Variants in KDM4C observed in about 807,000 individuals in gnomAD.
The protein encoded by KDM4C is lysine-specific demethylase 4C.
In KDM4C, 81 loss-of-function variants were observed where a neutral mutation model predicts 129.3. That is an observed-to-expected ratio of 0.63 (90% confidence interval 0.52 to 0.75). The LOEUF (loss-of-function observed/expected upper bound fraction) is 0.75. KDM4C is among the 30% of genes least tolerant of loss of function. KDM4C has a pLI of 0.00. For synonymous variants in KDM4C, 573 were observed against 456.1 expected, an observed-to-expected ratio of 1.26 and a Z score of -3.26; for missense variants, 1,457 against 1,304.0, an observed-to-expected ratio of 1.12 and a Z score of -1.81.
chr9:7,033,129 C>G (rs1046197653), intron 15 of KDM4C, among the ~76,000 whole-genome samples: 10 of 145,576 alleles, frequency 6.9e-5, no homozygotes, highest in Non-Finnish European at 1.0e-4. Context: ...TCCCTCTGAT[C>G]TGTTTTATGC....
At chr9:6,995,186 A>G (rs1264132002) in intron 12 of KDM4C, among the ~76,000 whole-genome samples, 1 of 150,564 alleles carries the variant, frequency 6.6e-6, no homozygotes, top group Non-Finnish European at 1.5e-5. Flanking sequence ...TTGTGTGAGG[A>G]AGAAAAGAAG....
chr9:7,157,863 G>T (rs1474397386), intron 19 of KDM4C, among the ~76,000 whole-genome samples: 1 of 152,142 alleles, frequency 6.6e-6, no homozygotes, highest in Non-Finnish European at 1.5e-5. Flanking sequence ...GATGATGCTG[G>T]CCTCATAAAA....
chr9:6,735,132 G>A, intron 1 of KDM4C: 1 of 280,430 alleles, frequency 3.6e-6, no homozygotes, highest in Non-Finnish European at 7.0e-6. Context: ...TAGGCAAAGA[G>A]GCTACACCTG....
chr9:6,875,221 G>T (rs911613186), intron 5 of KDM4C, among the ~76,000 whole-genome samples: 1 of 152,142 alleles, frequency 6.6e-6, no homozygotes, highest in African/African-American at 2.4e-5. Flanking sequence ...CAGAATATCT[G>T]TTCTTCTGGT....
At chr9:7,058,399 A>G (rs578090018) in intron 17 of KDM4C, among the ~76,000 whole-genome samples, 4 of 152,278 alleles carry the variant, frequency 2.6e-5, no homozygotes, top group South Asian at 4.1e-4. Context: ...AAAGCCCCTC[A>G]TTTGTTGTGT....
intron 17 of KDM4C, among the ~76,000 whole-genome samples, chr9:7,073,349 G>A (rs761255119): frequency 6.6e-6 from 1 of 152,204 alleles, no homozygotes; most frequent in African/African-American, 2.4e-5. Context: ...TTGGCACTGA[G>A]TAAGTTTCAG....
chr9:6,781,296 C>T (rs991434775), intron 1 of KDM4C, among the ~76,000 whole-genome samples: 67 of 152,058 alleles, frequency 4.4e-4, no homozygotes, highest in African/African-American at 1.6e-3. Flanking sequence ...TGAAATGTTG[C>T]TCCTAGTGGA....
chr9:6,739,759 G>A (rs1332850307), intron 1 of KDM4C, among the ~76,000 whole-genome samples: 1 of 151,984 alleles, frequency 6.6e-6, no homozygotes, highest in Admixed American at 6.6e-5. Context: ...CACTTTGGGA[G>A]ACCAAGGAGG....
intron 13 of KDM4C, among the ~76,000 whole-genome samples, chr9:7,012,333 T>A (rs1389803810): frequency 6.6e-6 from 1 of 152,322 alleles, no homozygotes; most frequent in East Asian, 1.9e-4. Context: ...TCCGCTTTGG[T>A]CTCCCAAATC....
intron 8 of KDM4C, among the ~76,000 whole-genome samples, chr9:6,946,876 T>C (rs567036618): frequency 6.6e-6 from 1 of 152,226 alleles, no homozygotes; most frequent in South Asian, 2.1e-4. Flanking sequence ...GTTTTTGCCT[T>C]TTTATTATTT....
chr9:6,848,567 G>C (rs1838274500), intron 4 of KDM4C, among the ~76,000 whole-genome samples: 1 of 152,112 alleles, frequency 6.6e-6, no homozygotes, highest in African/African-American at 2.4e-5. Flanking sequence ...TGTGTGGAAG[G>C]CTGAGGCATA....
At chr9:7,121,687 C>T (rs541902064) in intron 18 of KDM4C, among the ~76,000 whole-genome samples, 2 of 152,246 alleles carry the variant, frequency 1.3e-5, no homozygotes, top group South Asian at 2.1e-4. Flanking sequence ...ACCAGACATG[C>T]TCCAAATCCA....
At chr9:6,747,886 A>C (rs1165949680) in intron 1 of KDM4C, among the ~76,000 whole-genome samples, 1 of 151,968 alleles carries the variant, frequency 6.6e-6, no homozygotes, top group Non-Finnish European at 1.5e-5. Context: ...TCTTTCTAGG[A>C]AAGAACAGAG....
chr9:6,747,167 C>T lies in KDM4C; in HGVS notation c.49+26170C>T, dbSNP rs562336082. The stretch of plus-strand genomic sequence containing the variant: ...AAGATCACTCCACTGCACTTCAGCC[C>T]GGGTGATAGAGCAAGACTCTGTCTC... On this transcript the variant is annotated intron_variant, in intron 1 of 17. Coordinates refer to the KDM4C transcript ENST00000536108. Among the ~76,000 whole-genome samples, 179 of 151,392 alleles carry T rather than the reference C, an allele frequency of 1.2e-3. 2 individuals are homozygous for T. Among genetic ancestry groups the T allele is most frequent in the African/African-American group, 4.0e-3 (163 of 41,200 alleles).
intron 8 of KDM4C, among the ~76,000 whole-genome samples, chr9:6,903,164 T>C (rs893963355): frequency 6.6e-6 from 1 of 152,204 alleles, no homozygotes; most frequent in Non-Finnish European, 1.5e-5. Context: ...TAAGGCCTGA[T>C]AATCATTTTC....
chr9:6,942,421 AT>A (rs66825967), intron 8 of KDM4C: 59,561 of 137,522 alleles, frequency 0.43, 12,514 homozygotes, highest in East Asian at 0.72. Context: ...TATTTTTTCT[AT>A]TTTTTTTTTT....
chr9:7,137,147 C>T (rs112731466), intron 19 of KDM4C, among the ~76,000 whole-genome samples: 10 of 152,242 alleles, frequency 6.6e-5, no homozygotes, highest in African/African-American at 1.9e-4. Context: ...AGAAGTCTGT[C>T]GTGAGAGAGG....
intron 12 of KDM4C, among the ~76,000 whole-genome samples, chr9:7,005,435 CAAAA>C (rs35671520): frequency 8.1e-6 from 1 of 124,078 alleles, no homozygotes; most frequent in Non-Finnish European, 1.6e-5. Flanking sequence ...AACTCTGTCT[CAAAA>C]AAAAAAAAAA....
At chr9:7,061,734 G>A (rs1831701330) in intron 17 of KDM4C, among the ~76,000 whole-genome samples, 1 of 152,214 alleles carries the variant, frequency 6.6e-6, no homozygotes, top group Non-Finnish European at 1.5e-5. Context: ...GCAATGGCTA[G>A]TGTTCCAGAG....
Sources: allele counts gnomAD v4.1 joint callset (sites outside exome capture counted in the v4.1 genomes callset), GRCh38; gene constraint gnomAD v4.1.1; transcripts MANE v1.5; gene names NCBI Gene and HGNC (gene_info 2026-07-23, HGNC 2026-07-21).